Variants in ADAMTSL3 observed in about 807,000 individuals in gnomAD.
The protein encoded by ADAMTSL3 is ADAMTS-like protein 3.
A neutral mutation model predicts 201.7 loss-of-function variants in ADAMTSL3; 128 were observed. The observed-to-expected ratio is 0.63, with a 90% CI of 0.55 to 0.73. The LOEUF (loss-of-function observed/expected upper bound fraction) is 0.73. ADAMTSL3 is among the 30% of genes least tolerant of loss of function. The pLI is 0.00. For synonymous variants in ADAMTSL3, 738 were observed against 748.4 expected, an observed-to-expected ratio of 0.99 and a Z score of 0.23; for missense variants, 1,990 against 2,119.6, an observed-to-expected ratio of 0.94 and a Z score of 1.20.
intron 2 of ADAMTSL3, 49 bp downstream of exon 2, chr15:83,655,879 T>G (rs769262531): frequency 6.4e-7 from 1 of 1,565,974 alleles, no homozygotes; most frequent in South Asian, 1.1e-5. Flanking sequence ...TCCCTCTGTT[T>G]ACTCAGAGGC....
chr15:83,792,360 G>T (rs1242008010), intron 4 of ADAMTSL3, among the ~76,000 whole-genome samples: 1 of 152,108 alleles, frequency 6.6e-6, no homozygotes, highest in Non-Finnish European at 1.5e-5. Context: ...CACCTGTTAG[G>T]ATGGCTATTA....
intron 7 of ADAMTSL3, among the ~76,000 whole-genome samples, chr15:83,840,886 T>C (rs2064359735): frequency 6.6e-6 from 1 of 152,248 alleles, no homozygotes; most frequent in African/African-American, 2.4e-5. Flanking sequence ...TGTTTTACTG[T>C]GTCTTTCAGG....
At position 84,031,320 on chromosome 15, in the gene ADAMTSL3, G is replaced by A. The variant is rs775464823; in HGVS notation, c.4657-15G>A. On this transcript the variant is annotated splice_polypyrimidine_tract_variant and intron_variant, in intron 27 of 29. Coordinates refer to ENST00000286744, the MANE Select transcript of ADAMTSL3 (RefSeq NM_207517.3). The stretch of plus-strand genomic sequence containing the variant: ...GCTTGCAGGATTTACACTGCACTGT[G>A]CTTTTTTGTTCCAGTGTCCTGGACG... 6.2e-7 allele frequency: 1 copy of A among 1,612,910 alleles called. No homozygotes were observed. Among genetic ancestry groups the A allele is most frequent in the Middle Eastern group, 1.8e-4 (1 of 5,614 alleles).
intron 15 of ADAMTSL3, among the ~76,000 whole-genome samples, chr15:83,912,182 C>T (rs2065946769): frequency 6.6e-6 from 1 of 151,976 alleles, no homozygotes; most frequent in Non-Finnish European, 1.5e-5. Context: ...AGTAAAGGAC[C>T]AGATAGTAAA....
chr15:83,946,437 C>T (rs986118), intron 19 of ADAMTSL3, among the ~76,000 whole-genome samples: 58,214 of 152,048 alleles, frequency 0.38, 12,845 homozygotes, highest in African/African-American at 0.59. Context: ...CCAGCATTTC[C>T]GACTTTTAAA....
In ADAMTSL3 at chr15:84,014,545, T is replaced by A; in HGVS notation, c.3977T>A (p.Val1326Asp). The change falls in exon 24 of 30, where the codon GTC (valine) becomes GAC (aspartate). Residue 1326 changes from valine to aspartate, a missense_variant. Physicochemically the swap from Val to Asp is radical, Grantham distance 152 (BLOSUM62 -3). Coordinates refer to ENST00000286744, the MANE Select transcript of ADAMTSL3 (RefSeq NM_207517.3). The part of the protein sequence containing the change: ...NVTIRCPVKG[V>D]PQPNITWLKR... ...CATATTTGTTTTTGTTCCAAAGGTG[T>A]CCCTCAGCCTAATATAACTTGGTTG... 2 of 1,612,918 alleles carry A rather than the reference T, an allele frequency of 1.2e-6. No individual in the cohort carries two copies. Among genetic ancestry groups the A allele is most frequent in the South Asian group, 1.1e-5 (1 of 90,664 alleles).
chr15:83,799,814 A>G (rs906139669), intron 4 of ADAMTSL3, among the ~76,000 whole-genome samples: 11 of 152,348 alleles, frequency 7.2e-5, no homozygotes, highest in Middle Eastern at 6.8e-3. Context: ...GCTCTTGCAT[A>G]TACTAATTAC....
chr15:84,031,022 G>A (rs1274464890), intron 27 of ADAMTSL3, among the ~76,000 whole-genome samples: 1 of 152,146 alleles, frequency 6.6e-6, no homozygotes, highest in Non-Finnish European at 1.5e-5. Flanking sequence ...GGCTTCCCCA[G>A]CCATGCTGAC....
chr15:83,851,704 C>A (rs2064618046), intron 7 of ADAMTSL3, among the ~76,000 whole-genome samples: 1 of 152,180 alleles, frequency 6.6e-6, no homozygotes, highest in Non-Finnish European at 1.5e-5. Flanking sequence ...CAAGAGATTA[C>A]ATGTGTTATC....
At chr15:83,827,906 C>T (rs867355634) in intron 6 of ADAMTSL3, among the ~76,000 whole-genome samples, 44 of 152,222 alleles carry the variant, frequency 2.9e-4, no homozygotes, top group South Asian at 2.7e-3. Flanking sequence ...TACCATGCTG[C>T]TTTGGTTACT....
At chr15:83,717,251 G>A (rs1426162) in intron 3 of ADAMTSL3, among the ~76,000 whole-genome samples, 126,782 of 152,200 alleles carry the variant, frequency 0.83, 53,266 homozygotes, top group East Asian at 0.96. Flanking sequence ...TGTGATGTGA[G>A]ATAGAATTGT....
chr15:83,921,920 T>TA (rs72195885), intron 16 of ADAMTSL3, among the ~76,000 whole-genome samples: 18,382 of 150,002 alleles, frequency 0.12, 1,265 homozygotes, highest in East Asian at 0.34. Context: ...TTTCTTTTTC[T>TA]AAAAAAAAAG....
intron 9 of ADAMTSL3, among the ~76,000 whole-genome samples, chr15:83,882,332 G>A (rs982650808): frequency 3.3e-5 from 5 of 151,980 alleles, no homozygotes; most frequent in African/African-American, 9.7e-5. Flanking sequence ...TCTCCACTCC[G>A]TTACCATAAC....
chr15:83,696,976 C>T (rs949439876), intron 2 of ADAMTSL3, among the ~76,000 whole-genome samples: 2 of 152,166 alleles, frequency 1.3e-5, no homozygotes, highest in African/African-American at 4.8e-5. Context: ...TAGGTCCCTT[C>T]ACTGACCGAG....
At chr15:83,791,311 G>A (rs1410699458) in intron 4 of ADAMTSL3, among the ~76,000 whole-genome samples, 5 of 152,216 alleles carry the variant, frequency 3.3e-5, no homozygotes, top group Middle Eastern at 3.4e-3. Context: ...ATCCGGAGGC[G>A]TTATACTACC....
chr15:83,665,308 T>C (rs979641618), intron 2 of ADAMTSL3, among the ~76,000 whole-genome samples: 2 of 152,066 alleles, frequency 1.3e-5, no homozygotes, highest in African/African-American at 4.8e-5. Context: ...TGGGAAATAA[T>C]TGGTTACATT....
chr15:83,898,148 T>C lies in ADAMTSL3; in HGVS notation c.1615+143T>C, dbSNP rs141975917. ...ATTGCAATAGACCTTCCCATCTAGATAAAGAAGTTAGATATATGTGAATTA... is the reference window on the plus strand; with the variant it reads ...ATTGCAATAGACCTTCCCATCTAGACAAAGAAGTTAGATATATGTGAATTA... On this transcript the variant is annotated intron_variant, in intron 14 of 29. Coordinates refer to ENST00000286744, the MANE Select transcript of ADAMTSL3 (RefSeq NM_207517.3). The C allele has an allele frequency of 6.4e-5, 59 of 923,386 alleles. 1 individual carries two copies. In the East Asian group the frequency reaches 1.6e-3, roughly 25 times the overall value. 57.2% of individuals were successfully genotyped at this position (923,386 alleles called of 1,614,324 possible).
In ADAMTSL3 at chr15:83,913,096, A is replaced by G; in HGVS notation, c.1705A>G (p.Ile569Val). The change falls in exon 16 of 30, where the codon ATT becomes GTT. Residue 569 changes from isoleucine (I) to valine (V), a missense_variant. Ile to Val is a conservative substitution (Grantham distance 29, BLOSUM62 3). Transcript: ENST00000286744. ...TRIATEEPTF[I>V]PEPWSACSTT... ...TGGCTTCCTGGTTTTCCCTAGGTTC[A>G]TTCCAGAACCCTGGTCAGCCTGCAG... 1 of 1,613,392 alleles carries G rather than the reference A, an allele frequency of 6.2e-7. No individual in the cohort carries two copies.
chr15:83,774,205 A>G (rs2063034099), intron 4 of ADAMTSL3, among the ~76,000 whole-genome samples: 1 of 152,222 alleles, frequency 6.6e-6, no homozygotes. Flanking sequence ...ATTCCCAGTC[A>G]AGGATTTTGC....
Sources: allele counts gnomAD v4.1 joint callset (sites outside exome capture counted in the v4.1 genomes callset), GRCh38; gene constraint gnomAD v4.1.1; transcripts MANE v1.5; gene names NCBI Gene and HGNC (gene_info 2026-07-23, HGNC 2026-07-21).